The following SPOCK3 variants were observed in gnomAD, a reference collection of about 807,000 sequenced individuals.
SPOCK3 encodes the protein SPARC (osteonectin), cwcv and kazal like domains proteoglycan 3.
A neutral mutation model predicts 56.6 loss-of-function variants in SPOCK3; 30 were observed. The ratio of observed to expected loss-of-function variants is 0.53; its 90% CI spans 0.40 to 0.72. SPOCK3 has a LOEUF of 0.72. Ranked by LOEUF, SPOCK3 falls within the 30% of genes least tolerant of loss-of-function variation. SPOCK3 has a pLI of 0.00. For missense variants in SPOCK3, 527 were observed against 530.0 expected, an observed-to-expected ratio of 0.99 and a Z score of 0.06; for synonymous variants, 196 against 183.3, an observed-to-expected ratio of 1.07 and a Z score of -0.56.
intron 2 of SPOCK3, among the ~76,000 whole-genome samples, chr4:167,063,605 C>T (rs576076343): frequency 1.3e-5 from 2 of 152,000 alleles, no homozygotes; most frequent in East Asian, 3.9e-4. Context: ...GAAGTCTCAG[C>T]TTGTAGTGTA....
chr4:167,122,309 A>G (rs1438581054), intron 2 of SPOCK3, among the ~76,000 whole-genome samples: 1 of 151,956 alleles, frequency 6.6e-6, no homozygotes, highest in Non-Finnish European at 1.5e-5. Flanking sequence ...GTGAGCCACC[A>G]TGCCTGGCTA....
chr4:166,752,569 TATATACACACACAC>T (rs1484061431), intron 8 of SPOCK3, among the ~76,000 whole-genome samples: 2 of 9,024 alleles, frequency 2.2e-4, no homozygotes, highest in Non-Finnish European at 5.3e-4. Flanking sequence ...TATATATATA[TATATACACACACAC>T]ACACACACAC....
chr4:166,960,368 G>T (rs141377672), intron 4 of SPOCK3, among the ~76,000 whole-genome samples: 59 of 152,260 alleles, frequency 3.9e-4, no homozygotes, highest in African/African-American at 1.4e-3. Context: ...AGAAGAAGGA[G>T]AAATAACTTT....
chr4:167,212,655 T>A (rs1734997091), intron 2 of SPOCK3, among the ~76,000 whole-genome samples: 1 of 152,166 alleles, frequency 6.6e-6, no homozygotes, highest in South Asian at 2.1e-4. Flanking sequence ...ATAGCACAAG[T>A]TGTATCTGTC....
chr4:166,997,522 T>C (rs1748509117), intron 4 of SPOCK3, among the ~76,000 whole-genome samples: 2 of 152,150 alleles, frequency 1.3e-5, no homozygotes, highest in Non-Finnish European at 2.9e-5. Flanking sequence ...TCAAACTATT[T>C]GTCAAAATTT....
At chr4:166,943,972 C>A (rs938775875) in intron 4 of SPOCK3, among the ~76,000 whole-genome samples, 3 of 152,092 alleles carry the variant, frequency 2.0e-5, no homozygotes, top group African/African-American at 7.2e-5. Context: ...AATGGCAAAA[C>A]CCCATCTCTG....
At chr4:166,893,902 G>A (rs1008992088) in intron 5 of SPOCK3, among the ~76,000 whole-genome samples, 7 of 152,132 alleles carry the variant, frequency 4.6e-5, no homozygotes, top group South Asian at 4.1e-4. Context: ...AGAAAACACC[G>A]TTCACTAAAG....
At chr4:166,796,053 A>G (rs1741903865) in intron 6 of SPOCK3, among the ~76,000 whole-genome samples, 1 of 152,140 alleles carries the variant, frequency 6.6e-6, no homozygotes, top group Non-Finnish European at 1.5e-5. Context: ...AGAACATAGC[A>G]AGAGGAAGGC....
At chr4:166,984,982 G>C (rs967592065) in intron 4 of SPOCK3, among the ~76,000 whole-genome samples, 30 of 152,166 alleles carry the variant, frequency 2.0e-4, no homozygotes, top group Non-Finnish European at 3.8e-4. Context: ...GGAAATTGCT[G>C]TCAAGGAGCC....
chr4:166,988,341 T>C (rs1434224128), intron 4 of SPOCK3, among the ~76,000 whole-genome samples: 2 of 152,110 alleles, frequency 1.3e-5, no homozygotes, highest in African/African-American at 4.8e-5. Flanking sequence ...GCTTTCTCTT[T>C]TCTCTGTGAA....
intron 2 of SPOCK3, among the ~76,000 whole-genome samples, chr4:167,132,765 C>A (rs1307483606): frequency 8.4e-6 from 1 of 118,354 alleles, no homozygotes; most frequent in Non-Finnish European, 1.9e-5. Context: ...GGCTTGTGAC[C>A]ACTTCACTCC....
intron 2 of SPOCK3, among the ~76,000 whole-genome samples, chr4:167,137,959 T>A (rs780863204): frequency 1.3e-5 from 2 of 151,860 alleles, no homozygotes; most frequent in Non-Finnish European, 2.9e-5. Flanking sequence ...TACTCATATT[T>A]TTCTATTAAG....
intron 6 of SPOCK3, among the ~76,000 whole-genome samples, chr4:166,872,738 T>C (rs1732617615): frequency 6.6e-6 from 1 of 152,202 alleles, no homozygotes; most frequent in African/African-American, 2.4e-5. Flanking sequence ...AATGTCTTAG[T>C]TATTTTTTTG....
At chr4:167,045,354 T>C (rs1753618550) in intron 3 of SPOCK3, among the ~76,000 whole-genome samples, 1 of 152,128 alleles carries the variant, frequency 6.6e-6, no homozygotes, top group Non-Finnish European at 1.5e-5. Flanking sequence ...CGTTTCTGTC[T>C]TTCAATTGGC....
chr4:167,218,717 C>A (rs1055674003), intron 2 of SPOCK3, among the ~76,000 whole-genome samples: 24 of 152,142 alleles, frequency 1.6e-4, no homozygotes, highest in African/African-American at 5.8e-4. Flanking sequence ...AGACCACCTT[C>A]CCATTTTAAA....
chr4:166,847,663 A>ATATATATATATATATATC (rs1748230074), intron 6 of SPOCK3, among the ~76,000 whole-genome samples: 1 of 98,358 alleles, frequency 1.0e-5, no homozygotes, highest in East Asian at 4.1e-4. Flanking sequence ...ATATATATAT[A>ATATATATATATATATATC]TATATATATA....
intron 2 of SPOCK3, among the ~76,000 whole-genome samples, chr4:167,222,683 A>G (rs1367155895): frequency 7.4e-6 from 1 of 134,942 alleles, no homozygotes; most frequent in Non-Finnish European, 1.5e-5. Flanking sequence ...ATATATTTAT[A>G]TATGAATATA....
At chr4:166,906,559 A>C (rs917959212) in intron 5 of SPOCK3, among the ~76,000 whole-genome samples, 1 of 151,692 alleles carries the variant, frequency 6.6e-6, no homozygotes, top group African/African-American at 2.4e-5. Flanking sequence ...CCTAAAAGTT[A>C]AAATTTTAAA....
At chr4:167,115,712 C>T (rs1475029857) in intron 2 of SPOCK3, among the ~76,000 whole-genome samples, 1 of 151,934 alleles carries the variant, frequency 6.6e-6, no homozygotes, top group Non-Finnish European at 1.5e-5. Context: ...GAGATGGTTG[C>T]CTTCAAAGGG....
Sources: gnomAD v4.1 joint callset for allele counts (sites outside exome capture counted in the v4.1 genomes callset) on GRCh38, gnomAD v4.1.1 for gene constraint, MANE v1.5 for transcripts, NCBI Gene and HGNC (gene_info 2026-07-23, HGNC 2026-07-21) for gene names.